MEMO1: variants seen among roughly 807,000 people sequenced by gnomAD.
The protein encoded by MEMO1 is mediator of cell motility 1.
In MEMO1, 6 loss-of-function variants were observed where a neutral mutation model predicts 45.2. That is an observed-to-expected ratio of 0.13 (90% CI 0.07 to 0.26). The LOEUF is 0.26. Ranked by LOEUF, MEMO1 falls within the 10% of genes least tolerant of loss-of-function variation. The probability of loss-of-function intolerance (pLI) is 1.00; values close to 1 mark genes in which losing one functional copy is unlikely to be tolerated. For synonymous variants in MEMO1, 78 were observed against 124.3 expected, an observed-to-expected ratio of 0.63 and a Z score of 2.48; for missense variants, 184 against 370.5, an observed-to-expected ratio of 0.50 and a Z score of 4.13.
rs145443726 is a variant in MEMO1 at position 31,980,341 on chromosome 2, G to A, written c.61+29846C>T. ...CCAGCTACTTGGAAGGCCAAGACAG[G>A]AGGACTGCTTGAACCCAGGAGTTGG... On this transcript the variant is annotated intron_variant, in intron 2 of 9. Coordinates refer to ENST00000404530, the MANE Select transcript of MEMO1 (RefSeq NM_001301833.4). Among the ~76,000 whole-genome samples, 431 of 152,270 alleles carry A rather than the reference G, an allele frequency of 2.8e-3. 1 individual carries two copies. Among genetic ancestry groups the A allele is most frequent in the Non-Finnish European group, 4.4e-3 (300 of 68,026 alleles).
intron 8 of MEMO1, among the ~76,000 whole-genome samples, chr2:31,876,307 T>C (rs1030829333): frequency 1.3e-5 from 2 of 152,200 alleles, no homozygotes; most frequent in African/African-American, 4.8e-5. Flanking sequence ...TTGATTTGCT[T>C]TCTTATCATT....
At chr2:31,927,882 T>A (rs17011710) in intron 4 of MEMO1, among the ~76,000 whole-genome samples, 1 of 152,038 alleles carries the variant, frequency 6.6e-6, no homozygotes, top group Non-Finnish European at 1.5e-5. Context: ...AACCACTGTA[T>A]TTCACTTTCA....
At chr2:31,930,612 T>G (rs1416867899) in intron 4 of MEMO1, among the ~76,000 whole-genome samples, 2 of 152,008 alleles carry the variant, frequency 1.3e-5, no homozygotes, top group African/African-American at 4.8e-5. Context: ...ATAGCTGGTT[T>G]ATAGGCCCAA....
chr2:31,930,192 G>A (rs1195022917), intron 4 of MEMO1, among the ~76,000 whole-genome samples: 1 of 152,208 alleles, frequency 6.6e-6, no homozygotes, highest in Non-Finnish European at 1.5e-5. Context: ...GAACCTGGGG[G>A]CAGAAGTTGC....
chr2:31,891,386 C>G (rs1255881239), intron 7 of MEMO1, among the ~76,000 whole-genome samples: 2 of 152,124 alleles, frequency 1.3e-5, no homozygotes, highest in Non-Finnish European at 2.9e-5. Flanking sequence ...ACAACGTACT[C>G]ACTGTGACGT....
intron 3 of MEMO1, among the ~76,000 whole-genome samples, chr2:31,937,309 T>C (rs566059431): frequency 6.6e-6 from 1 of 152,340 alleles, no homozygotes; most frequent in Admixed American, 6.5e-5. Context: ...AGGAAAGTTA[T>C]TAAAGTTATT....
chr2:31,892,190 T>C, intron 6 of MEMO1, 56 bp from the exon 7 acceptor site: 16 of 1,481,816 alleles, frequency 1.1e-5, no homozygotes, highest in Non-Finnish European at 1.4e-5. Context: ...ATGAAAGTTT[T>C]CCAAATGTGT....
At chr2:31,913,710 A>T (rs934692902) in intron 6 of MEMO1, among the ~76,000 whole-genome samples, 2 of 152,154 alleles carry the variant, frequency 1.3e-5, no homozygotes, top group Non-Finnish European at 2.9e-5. Flanking sequence ...AGATACGGTC[A>T]AGACTAGTTG....
chr2:31,970,811 C>T (rs914290645), intron 2 of MEMO1, among the ~76,000 whole-genome samples: 3 of 152,176 alleles, frequency 2.0e-5, no homozygotes, highest in Non-Finnish European at 4.4e-5. Context: ...TGAGACCAGC[C>T]TGGCCAACGT....
At chr2:32,009,707 G>C (rs1174942938) in intron 2 of MEMO1, among the ~76,000 whole-genome samples, 1 of 152,184 alleles carries the variant, frequency 6.6e-6, no homozygotes, top group African/African-American at 2.4e-5. Flanking sequence ...GACGGGAGAG[G>C]AAAGGAAAGG....
At chr2:31,886,235 CA>C (rs1268311236) in intron 7 of MEMO1, among the ~76,000 whole-genome samples, 9 of 152,182 alleles carry the variant, frequency 5.9e-5, no homozygotes, top group African/African-American at 1.9e-4. Flanking sequence ...ATAGCTACTA[CA>C]CTGAATAAAT....
chr2:31,870,204 T>C (rs1673488897), intron 8 of MEMO1, among the ~76,000 whole-genome samples: 1 of 152,166 alleles, frequency 6.6e-6, no homozygotes, highest in African/African-American at 2.4e-5. Context: ...CAGGTATGTT[T>C]CTATACTACT....
intron 6 of MEMO1, among the ~76,000 whole-genome samples, chr2:31,914,638 T>A (rs905615417): frequency 6.6e-6 from 1 of 152,008 alleles, no homozygotes; most frequent in African/African-American, 2.4e-5. Flanking sequence ...AATTAAAAAA[T>A]TTGTTTTCAA....
chr2:31,868,506 A>G lies in MEMO1; in HGVS notation c.763-14T>C, dbSNP rs756633207. On this transcript the variant is annotated splice_polypyrimidine_tract_variant and intron_variant, in intron 9 of 9. Coordinates refer to ENST00000404530, the MANE Select transcript of MEMO1 (RefSeq NM_001301833.4). ...CTCTGTGATAGCCTAGAAAAAAGAA[A>G]AATTTGGTTAGGACACACATCACAT... 6.3e-6 allele frequency: 10 copies of G among 1,589,528 alleles called. No homozygotes were observed. The highest frequency in any genetic ancestry group is 8.6e-6 in the Non-Finnish European group (10 of 1,169,108).
chr2:31,984,874 C>G (rs772079071), intron 2 of MEMO1, among the ~76,000 whole-genome samples: 7 of 152,142 alleles, frequency 4.6e-5, no homozygotes, highest in Non-Finnish European at 8.8e-5. Context: ...CAAATAAAAT[C>G]TGGAGTTAAT....
chr2:31,933,348 A>AAAAAAAAATATAT (rs1558514269), intron 3 of MEMO1, among the ~76,000 whole-genome samples: 1 of 16,186 alleles, frequency 6.2e-5, no homozygotes, highest in Non-Finnish European at 1.0e-4. Context: ...AAAAAAAAAA[A>AAAAAAAAATATAT]ATTTATATAT....
intron 6 of MEMO1, among the ~76,000 whole-genome samples, chr2:31,917,368 T>C (rs1189077787): frequency 1.3e-5 from 2 of 152,190 alleles, no homozygotes; most frequent in Non-Finnish European, 2.9e-5. Flanking sequence ...GACACTGTGC[T>C]AGGCGGTGGG....
intron 2 of MEMO1, among the ~76,000 whole-genome samples, chr2:31,998,827 A>G (rs1460707944): frequency 1.3e-5 from 2 of 152,022 alleles, no homozygotes; most frequent in African/African-American, 2.4e-5. Context: ...AAAATCATCT[A>G]TATGATGCTA....
intron 2 of MEMO1, chr2:31,963,136 A>G (rs1301451589): frequency 6.6e-7 from 1 of 1,509,422 alleles, no homozygotes; most frequent in Non-Finnish European, 8.9e-7. Context: ...TAGCTCTCCC[A>G]TTTCTTAGGG....
Sources: allele counts gnomAD v4.1 joint callset (sites outside exome capture counted in the v4.1 genomes callset), GRCh38; gene constraint gnomAD v4.1.1; transcripts MANE v1.5; gene names NCBI Gene and HGNC (gene_info 2026-07-23, HGNC 2026-07-21).